Variants in PDE1A observed in about 807,000 individuals in gnomAD.
The protein encoded by PDE1A is dual specificity calcium/calmodulin-dependent 3',5'-cyclic nucleotide phosphodiesterase 1A.
A neutral mutation model predicts 61.7 loss-of-function variants in PDE1A; 35 were observed. The observed-to-expected ratio is 0.57, with a 90% CI of 0.43 to 0.75. The LOEUF is 0.75. Ranked by LOEUF, PDE1A falls within the 30% of genes least tolerant of loss-of-function variation. PDE1A has a pLI of 0.00. For missense variants in PDE1A, 597 were observed against 630.6 expected (o/e 0.95, Z 0.57); for synonymous variants, 232 against 213.2 (o/e 1.09, Z -0.77).
At chr2:182,517,976 G>A (rs34245807) in intron 2 of PDE1A, among the ~76,000 whole-genome samples, 42,020 of 152,144 alleles carry the variant, frequency 0.28, 7,278 homozygotes, top group Middle Eastern at 0.39. Context: ...AGGAAAAGGG[G>A]TGGTAAGCAA....
chr2:182,236,194 A>G (rs1046202126), intron 3 of PDE1A, among the ~76,000 whole-genome samples: 1 of 152,198 alleles, frequency 6.6e-6, no homozygotes, highest in Non-Finnish European at 1.5e-5. Context: ...CTATATCTCT[A>G]TTGAAAGATT....
At chr2:182,264,120 G>A (rs944958770) in intron 2 of PDE1A, among the ~76,000 whole-genome samples, 181 bp downstream of exon 2, 5 of 152,074 alleles carry the variant, frequency 3.3e-5, no homozygotes, top group African/African-American at 1.2e-4. Context: ...ATTAATTTTA[G>A]AGAATCATAG....
chr2:182,583,699 T>C, the PDE1A span, among the ~76,000 whole-genome samples: 2 of 152,224 alleles, frequency 1.3e-5, no homozygotes, highest in South Asian at 2.1e-4. Context: ...TTTAACTTTT[T>C]CCAGTGCAAT....
intron 1 of PDE1A, among the ~76,000 whole-genome samples, chr2:182,379,904 T>G (rs1256043429): frequency 6.6e-6 from 1 of 152,156 alleles, no homozygotes; most frequent in African/African-American, 2.4e-5. Context: ...AGCTGGAAAT[T>G]CTGGACTACC....
intron 13 of PDE1A, among the ~76,000 whole-genome samples, chr2:182,184,353 A>G (rs977399322): frequency 1.3e-5 from 2 of 152,146 alleles, no homozygotes; most frequent in Non-Finnish European, 2.9e-5. Context: ...TACTCAGTAC[A>G]TACAAGGAAG....
At chr2:182,628,018 C>A in the PDE1A span, among the ~76,000 whole-genome samples, 3 of 150,634 alleles carry the variant, frequency 2.0e-5, no homozygotes, top group East Asian at 2.0e-4. Flanking sequence ...GCTATTTTCA[C>A]CTCTAACAGT....
exon 7 of PDE1A, chr2:182,223,893 C>A: frequency 1.3e-6 from 2 of 1,596,020 alleles, no homozygotes; most frequent in Non-Finnish European, 1.7e-6. Flanking sequence ...TGTTTGTTGT[C>A]CCTGTATGCT....
At chr2:182,527,328 A>T (rs1184947354), upstream of PDE1A, among the ~76,000 whole-genome samples, 21 of 9,192 alleles carry the variant, frequency 2.3e-3, no homozygotes, top group African/African-American at 7.3e-3. Context: ...AAAAAAAAAA[A>T]TATATATATA....
chr2:182,611,291 C>A, the PDE1A span, among the ~76,000 whole-genome samples: 7 of 152,016 alleles, frequency 4.6e-5, no homozygotes, highest in Non-Finnish European at 4.4e-5. Context: ...TTGAGGAGCG[C>A]AGGAAAAACA....
chr2:182,648,108 A>G, the PDE1A span, among the ~76,000 whole-genome samples: 1 of 152,208 alleles, frequency 6.6e-6, no homozygotes, highest in South Asian at 2.1e-4. Flanking sequence ...TGGAAAAACC[A>G]TAGTATATTG....
At chr2:182,146,768 G>A (rs979508068), downstream of PDE1A, among the ~76,000 whole-genome samples, 2 of 152,288 alleles carry the variant, frequency 1.3e-5, no homozygotes, top group African/African-American at 2.4e-5. Flanking sequence ...ACAGGCATGA[G>A]CCACTGTGCC....
intron 1 of PDE1A, among the ~76,000 whole-genome samples, chr2:182,403,839 G>A (rs1487453425): frequency 6.6e-6 from 1 of 151,966 alleles, no homozygotes; most frequent in African/African-American, 2.4e-5. Context: ...GTCAGGGGGT[G>A]GGGGGCTAGG....
At chr2:182,305,035 C>G (rs1032307527) in intron 1 of PDE1A, among the ~76,000 whole-genome samples, 9 of 152,160 alleles carry the variant, frequency 5.9e-5, no homozygotes, top group Non-Finnish European at 1.2e-4. Flanking sequence ...TTACATTTTT[C>G]CCCAGAGTCG....
At chr2:182,154,606 C>G (rs1049915400) in intron 13 of PDE1A, among the ~76,000 whole-genome samples, 1 of 152,096 alleles carries the variant, frequency 6.6e-6, no homozygotes, top group Non-Finnish European at 1.5e-5. Flanking sequence ...TGGGAGGTCT[C>G]CTGCTTCTTG....
At chr2:182,339,283 C>T (rs1015106490) in intron 1 of PDE1A, among the ~76,000 whole-genome samples, 1 of 152,090 alleles carries the variant, frequency 6.6e-6, no homozygotes, top group Non-Finnish European at 1.5e-5. Flanking sequence ...TACCCTACCT[C>T]ATTTCATATT....
chr2:182,380,410 C>T (rs947680986), intron 1 of PDE1A, among the ~76,000 whole-genome samples: 1 of 151,780 alleles, frequency 6.6e-6, no homozygotes. Context: ...CCGCACCCAG[C>T]CCCAGCTCCT....
At chr2:182,334,083 A>T (rs576420605) in intron 1 of PDE1A, among the ~76,000 whole-genome samples, 2 of 152,208 alleles carry the variant, frequency 1.3e-5, no homozygotes, top group African/African-American at 4.8e-5. Context: ...TTGAGGCAGT[A>T]ATTAATAGCC....
At chr2:182,470,492 T>A (rs1472706391) in intron 2 of PDE1A, among the ~76,000 whole-genome samples, 1 of 151,836 alleles carries the variant, frequency 6.6e-6, no homozygotes, top group African/African-American at 2.4e-5. Context: ...AGAAGACAGT[T>A]CTTCCTCTCT....
intron 7 of PDE1A, among the ~76,000 whole-genome samples, chr2:182,207,923 C>T (rs549342132): frequency 7.3e-4 from 111 of 152,356 alleles, no homozygotes; most frequent in African/African-American, 2.6e-3. Flanking sequence ...GTGAAAGCCC[C>T]AAGCCTTGGT....
Sources: gnomAD v4.1 joint callset for allele counts (sites outside exome capture counted in the v4.1 genomes callset) on GRCh38, gnomAD v4.1.1 for gene constraint, MANE v1.5 for transcripts, NCBI Gene and HGNC (gene_info 2026-07-23, HGNC 2026-07-21) for gene names.